Variants in CPLX1 observed in about 807,000 individuals in gnomAD.
CPLX1 encodes complexin 1.
Under a neutral mutation model 15.6 loss-of-function variants are expected in CPLX1, and 6 were observed. The observed-to-expected ratio is 0.39, with a 90% CI of 0.21 to 0.76. The LOEUF is 0.76. Among genes scored for constraint, CPLX1 ranks in the 30% least tolerant of loss-of-function variants. The pLI, the probability that CPLX1 is intolerant of heterozygous loss-of-function variation, is 0.43. For synonymous variants in CPLX1, 91 were observed against 75.2 expected (o/e 1.21, Z -1.08); for missense variants, 242 against 188.6 (o/e 1.28, Z -1.66).
intron 2 of CPLX1, among the ~76,000 whole-genome samples, chr4:809,490 C>T (rs1309909898): frequency 6.6e-6 from 1 of 152,230 alleles, no homozygotes; most frequent in Non-Finnish European, 1.5e-5. Context: ...CTGCCTGCTG[C>T]CCTCACTCAG....
rs1017501822 is a variant in CPLX1, at chr4:785,764, G to C, written c.*737C>G. 2.6e-5 allele frequency: 4 copies of C among 152,398 alleles called. No homozygotes were observed. The highest frequency in any genetic ancestry group is 7.2e-5 in the African/African-American group (3 of 41,458). 9.4% of individuals were successfully genotyped at this position (152,398 alleles called of 1,614,324 possible). Reference sequence around the variant, plus strand: ...GGCCGAGGGCAGGGGTCCTCCCCAGGGAGAAGCAGCAGCCGCGTGGGCGGA... The same window carrying C: ...GGCCGAGGGCAGGGGTCCTCCCCAGCGAGAAGCAGCAGCCGCGTGGGCGGA... On this transcript the variant is annotated 3_prime_UTR_variant, in exon 4 of 4. Transcript: ENST00000304062.
At chr4:796,436 C>A (rs1746341655) in intron 2 of CPLX1, among the ~76,000 whole-genome samples, 1 of 152,176 alleles carries the variant, frequency 6.6e-6, no homozygotes, top group Non-Finnish European at 1.5e-5. Flanking sequence ...CAGGCACGCG[C>A]CACCACGCCT....
At chr4:788,581 C>T in intron 3 of CPLX1, 4 of 985,490 alleles carry the variant, frequency 4.1e-6, no homozygotes, top group Non-Finnish European at 4.8e-6. Flanking sequence ...CCCTGCAGGC[C>T]CAGAACAAAG....
At chr4:798,900 T>A (rs1746399154) in intron 2 of CPLX1, among the ~76,000 whole-genome samples, 1 of 152,242 alleles carries the variant, frequency 6.6e-6, no homozygotes, top group Admixed American at 6.5e-5. Flanking sequence ...AAGCAAAGAT[T>A]TCTTATATAA....
chr4:805,311 C>G (rs1052443631), intron 2 of CPLX1, among the ~76,000 whole-genome samples: 8 of 152,236 alleles, frequency 5.3e-5, no homozygotes, highest in Non-Finnish European at 7.3e-5. Flanking sequence ...GAGGTTCACA[C>G]CGAACCCAAA....
At chr4:799,291 C>T (rs141673755) in intron 2 of CPLX1, among the ~76,000 whole-genome samples, 2 of 152,344 alleles carry the variant, frequency 1.3e-5, no homozygotes, top group South Asian at 2.1e-4. Context: ...TTTCATCGGT[C>T]GCATTTCTAC....
chr4:796,693 T>C (rs2152644361), intron 2 of CPLX1, among the ~76,000 whole-genome samples: 1 of 152,252 alleles, frequency 6.6e-6, no homozygotes, highest in East Asian at 1.9e-4. Flanking sequence ...AGAAAGACAC[T>C]TGTTATTTTT....
rs757842359 is a variant in CPLX1, at chr4:786,632, C to A, written c.274G>T (p.Gly92Trp). ...GCCTTCTTGGGCCGCGTCAAGCTCC[C>A]CTCGGAGTTGGCCTCCATGGCGGCC... is the stretch of plus-strand genomic sequence containing the variant. ...AQAAMEANSE[G>W]SLTRPKKAIP... Residue 92 changes from glycine (G) to tryptophan (W), a missense_variant, in exon 4 of 4, where the codon GGG becomes TGG. Coordinates refer to ENST00000304062, the MANE Select transcript of CPLX1 (RefSeq NM_006651.4). 1 of 1,612,518 alleles carries A rather than the reference C, an allele frequency of 6.2e-7. No homozygotes were observed. The highest frequency in any genetic ancestry group is 1.7e-5 in the Admixed American group (1 of 59,956).
intron 2 of CPLX1, among the ~76,000 whole-genome samples, chr4:810,784 C>A (rs530599232): frequency 6.6e-6 from 1 of 151,720 alleles, no homozygotes; most frequent in East Asian, 1.9e-4. Context: ...GCAACCTCCA[C>A]CTCCTGGGTT....
In CPLX1 at chr4:820,762, T is replaced by C. The variant is rs182552136; in HGVS notation, c.31+3730A>G. Among the ~76,000 whole-genome samples the C allele has an allele frequency of 7.2e-3, 664 of 91,796 alleles. 6 individuals carry two copies. The highest frequency in any genetic ancestry group is 0.021 in the African/African-American group (618 of 29,096). The allele number at this position is 91,796 out of a possible 152,430, so 60.2% of individuals were successfully genotyped here. A position where few individuals can be genotyped will look rare whatever the true frequency, so the allele number is the denominator to read the frequency against. ...ACCAGCCTCACGTGAACCCCCAAGG[T>C]GGACACCCCTCACCAGCCTCACGTG... is the stretch of plus-strand genomic sequence containing the variant. On this transcript the variant is annotated intron_variant, in intron 2 of 3. Coordinates refer to ENST00000304062, the MANE Select transcript of CPLX1 (RefSeq NM_006651.4).
At chr4:811,735 A>C (rs1166714692) in intron 2 of CPLX1, among the ~76,000 whole-genome samples, 3 of 152,342 alleles carry the variant, frequency 2.0e-5, no homozygotes. Context: ...CAAGCAGGTC[A>C]GCCTGGCTGG....
intron 3 of CPLX1, chr4:788,376 G>T: frequency 1.0e-6 from 1 of 985,122 alleles, no homozygotes; most frequent in Non-Finnish European, 1.2e-6. Flanking sequence ...AGATGGAAAG[G>T]AGGGCGCCAC....
At chr4:788,230 G>T (rs918145714) in intron 3 of CPLX1, 1 of 985,114 alleles carries the variant, frequency 1.0e-6, no homozygotes, top group Non-Finnish European at 1.2e-6. Context: ...TCTCCAAGGA[G>T]GCCCCTCCTT....
At chr4:824,869 C>T (rs1206341307) in intron 1 of CPLX1, 1 of 479,956 alleles carries the variant, frequency 2.1e-6, no homozygotes, top group East Asian at 4.7e-5. Flanking sequence ...CGCTCAGAGG[C>T]GCCTGGCGCC....
At chr4:805,287 G>A (rs1041333220) in intron 2 of CPLX1, among the ~76,000 whole-genome samples, 3 of 152,228 alleles carry the variant, frequency 2.0e-5, no homozygotes, top group Non-Finnish European at 4.4e-5. Context: ...AAGGAGGATC[G>A]GAGGGTTACA....
At position 786,616 on chromosome 4, in the gene CPLX1, G is replaced by A. The variant is rs1745999233; in HGVS notation, c.290C>T (p.Pro97Leu). The change falls in exon 4 of 4, where the codon CCC becomes CTC. Residue 97 changes from proline (P) to leucine (L), a missense_variant. Physicochemically the swap from Pro to Leu is moderately conservative, Grantham distance 98 (BLOSUM62 -3). Coordinates refer to ENST00000304062, the MANE Select transcript of CPLX1 (RefSeq NM_006651.4). ...EANSEGSLTR[P>L]KKAIPPGCGD... ...GCAGCCCGGCGGGATGGCCTTCTTG[G>A]GCCGCGTCAAGCTCCCCTCGGAGTT... 6.2e-7 allele frequency: 1 copy of A among 1,612,398 alleles called. No individual in the cohort carries two copies. The highest frequency in any genetic ancestry group is 1.3e-5 in the African/African-American group (1 of 74,802).
intron 2 of CPLX1, among the ~76,000 whole-genome samples, chr4:816,213 ATTT>A (rs34183163): frequency 4.3e-5 from 5 of 115,028 alleles, no homozygotes; most frequent in African/African-American, 1.0e-4. Context: ...TCTCCGTGAA[ATTT>A]TTTTTTTTTT....
At chr4:816,212 A>AT (rs1746753214) in intron 2 of CPLX1, among the ~76,000 whole-genome samples, 2 of 142,450 alleles carry the variant, frequency 1.4e-5, no homozygotes, top group South Asian at 2.3e-4. Context: ...TTCTCCGTGA[A>AT]ATTTTTTTTT....
At chr4:810,527 C>G (rs764621286) in intron 2 of CPLX1, among the ~76,000 whole-genome samples, 6 of 152,224 alleles carry the variant, frequency 3.9e-5, no homozygotes, top group Non-Finnish European at 8.8e-5. Context: ...GCGTGAGTGG[C>G]TCTGTTGACT....
Sources: allele counts gnomAD v4.1 joint callset (sites outside exome capture counted in the v4.1 genomes callset), GRCh38; gene constraint gnomAD v4.1.1; transcripts MANE v1.5; gene names NCBI Gene and HGNC (gene_info 2026-07-23, HGNC 2026-07-21).